Variants in TRAK2 observed in about 807,000 individuals in gnomAD.
TRAK2 encodes the protein trafficking kinesin-binding protein 2.
In TRAK2, 81 loss-of-function variants were observed where a neutral mutation model predicts 104.6. That is an observed-to-expected ratio of 0.77 (90% confidence interval 0.65 to 0.93). The LOEUF (loss-of-function observed/expected upper bound fraction) is 0.93, where lower values mean the gene tolerates loss of function less well. Ranked by LOEUF, TRAK2 falls within the 40% of genes least tolerant of loss-of-function variation. The pLI is 0.00. For synonymous variants in TRAK2, 406 were observed against 394.4 expected, an observed-to-expected ratio of 1.03 and a Z score of -0.35; for missense variants, 1,002 against 1,089.0, an observed-to-expected ratio of 0.92 and a Z score of 1.12.
chr2:201,378,502 TAAA>T lies in TRAK2; in HGVS notation c.*2038_*2040del, dbSNP rs1363754677. On this transcript the variant is annotated 3_prime_UTR_variant, in exon 16 of 16. Transcript: ENST00000332624. ...AGTAATTACTTTCTTAGGGAACAAA[TAAA>T]AAATTTTAAGAATTGACTAAAGTAA... 2.0e-5 allele frequency: 3 copies of T among 152,066 alleles called. No homozygotes were observed. The highest frequency in any genetic ancestry group is 4.4e-5 in the Non-Finnish European group (3 of 67,996). 9.4% of individuals were successfully genotyped at this position (152,066 alleles called of 1,614,324 possible). A position where few individuals can be genotyped will look rare whatever the true frequency, so the allele number is the denominator to read the frequency against.
At chr2:201,385,830 AAC>A (rs1249247808) in intron 14 of TRAK2, among the ~76,000 whole-genome samples, 2 of 152,254 alleles carry the variant, frequency 1.3e-5, no homozygotes, top group Admixed American at 6.5e-5. Flanking sequence ...ATATTTGTGT[AAC>A]ACAATTATTT....
intron 1 of TRAK2, among the ~76,000 whole-genome samples, chr2:201,444,966 C>CT (rs1951953580): frequency 6.6e-6 from 1 of 152,130 alleles, no homozygotes; most frequent in African/African-American, 2.4e-5. Context: ...TCTATTTAAT[C>CT]ATTCCTTCCT....
intron 1 of TRAK2, among the ~76,000 whole-genome samples, chr2:201,430,283 C>T (rs774524519): frequency 5.3e-5 from 8 of 152,222 alleles, no homozygotes; most frequent in African/African-American, 1.7e-4. Context: ...GTCAGGGACC[C>T]GCTTGAGGAG....
intron 1 of TRAK2, among the ~76,000 whole-genome samples, chr2:201,423,025 G>GCAA (rs1951755570): frequency 7.1e-6 from 1 of 139,892 alleles, no homozygotes; most frequent in Non-Finnish European, 1.5e-5. Flanking sequence ...AATAACAACA[G>GCAA]CAACACCACC....
chr2:201,394,347 CT>C (rs4034637), intron 9 of TRAK2, among the ~76,000 whole-genome samples: 9,199 of 144,226 alleles, frequency 0.064, 621 homozygotes, highest in East Asian at 0.26. Flanking sequence ...CTTTTTCTTT[CT>C]TTTTTTTTTT....
chr2:201,408,187 C>T (rs1951613250), intron 2 of TRAK2, among the ~76,000 whole-genome samples: 1 of 152,202 alleles, frequency 6.6e-6, no homozygotes, highest in South Asian at 2.1e-4. Flanking sequence ...ATTCTACTCT[C>T]TACTTCTAGC....
chr2:201,434,736 T>C (rs1951869251), intron 1 of TRAK2, among the ~76,000 whole-genome samples: 1 of 152,252 alleles, frequency 6.6e-6, no homozygotes, highest in Non-Finnish European at 1.5e-5. Flanking sequence ...ACAGGATTTC[T>C]ATCTTTTGCT....
Position 201,389,887 on chromosome 2 carries a change from A to G in TRAK2, c.1114-7T>C, listed in dbSNP as rs1169900210. 6.2e-7 allele frequency: 1 copy of G among 1,611,270 alleles called. No homozygotes were observed. Among genetic ancestry groups the G allele is most frequent in the African/African-American group, 1.3e-5 (1 of 74,758 alleles). On this transcript the variant is annotated splice_region_variant and splice_polypyrimidine_tract_variant and intron_variant, in intron 10 of 15. Coordinates refer to ENST00000332624, the MANE Select transcript of TRAK2 (RefSeq NM_015049.3). ...TCTCAGCTGCCAAAGATTCCTAAGAAAAAGAGTTTGAGATTTCTAAAGTGA... is the reference window on the plus strand; with the variant it reads ...TCTCAGCTGCCAAAGATTCCTAAGAGAAAGAGTTTGAGATTTCTAAAGTGA...
intron 6 of TRAK2, 24 bp from the exon 7 acceptor site, chr2:201,397,604 G>A: frequency 6.8e-7 from 1 of 1,471,724 alleles, no homozygotes; most frequent in Admixed American, 1.8e-5. Context: ...ATCAGTATGT[G>A]ACAATACCTT....
chr2:201,413,278 T>G, intron 2 of TRAK2: 2 of 1,275,968 alleles, frequency 1.6e-6, no homozygotes, highest in Non-Finnish European at 2.3e-6. Context: ...TCTGTAACAG[T>G]ACTCTTCAAT....
At chr2:201,382,106 C>T (rs997964558) in intron 15 of TRAK2, among the ~76,000 whole-genome samples, 1 of 152,182 alleles carries the variant, frequency 6.6e-6, no homozygotes, top group African/African-American at 2.4e-5. Flanking sequence ...ACCTTCCATG[C>T]CTCGGTTTAC....
chr2:201,415,101 T>TAC (rs71022366), intron 2 of TRAK2, among the ~76,000 whole-genome samples: 2 of 150,930 alleles, frequency 1.3e-5, no homozygotes, highest in Non-Finnish European at 3.0e-5. Context: ...GTCTCCTTCA[T>TAC]GTCCATTTTT....
At chr2:201,414,166 C>T (rs1489702498) in intron 2 of TRAK2, among the ~76,000 whole-genome samples, 1 of 152,102 alleles carries the variant, frequency 6.6e-6, no homozygotes, top group African/African-American at 2.4e-5. Context: ...ACCTATAACA[C>T]CCCCACCCCC....
chr2:201,393,470 T>G (rs1183894486), intron 9 of TRAK2, among the ~76,000 whole-genome samples: 1 of 152,190 alleles, frequency 6.6e-6, no homozygotes, highest in Non-Finnish European at 1.5e-5. Context: ...ACAATGTCAG[T>G]GTGCTCAATC....
At chr2:201,388,863 T>C (rs551740349) in intron 12 of TRAK2, among the ~76,000 whole-genome samples, 8 of 152,208 alleles carry the variant, frequency 5.3e-5, no homozygotes, top group Non-Finnish European at 8.8e-5. Context: ...ACATCTATCT[T>C]GCAAAGCTTT....
rs142525759 is a variant in TRAK2, at chr2:201,381,399, C to A, written c.2070-181G>T. Among the ~76,000 whole-genome samples the A allele has an allele frequency of 2.2e-3, 332 of 152,194 alleles. 1 individual carries two copies. Among genetic ancestry groups the A allele is most frequent in the Middle Eastern group, 6.8e-3 (2 of 294 alleles). Reference sequence around the variant, plus strand: ...GAATGAAAATTTTGACATGATACTTCAATGATTAATTATTTGTAATTCATA... The same window carrying A: ...GAATGAAAATTTTGACATGATACTTAAATGATTAATTATTTGTAATTCATA... On this transcript the variant is annotated intron_variant, in intron 15 of 15. Coordinates refer to ENST00000332624, the MANE Select transcript of TRAK2 (RefSeq NM_015049.3).
intron 1 of TRAK2, among the ~76,000 whole-genome samples, chr2:201,425,245 T>C (rs1381309025): frequency 3.9e-5 from 6 of 152,216 alleles, no homozygotes; most frequent in Non-Finnish European, 8.8e-5. Flanking sequence ...AAAGATTTCC[T>C]AGATTAACTT....
Position 201,403,249 on chromosome 2 carries a change from G to A in TRAK2, c.287-2155C>T, listed in dbSNP as rs1406248034. On this transcript the variant is annotated intron_variant, in intron 3 of 15. Transcript: ENST00000332624. ...TGTCACAGCATAAAAATTTAAAGCT[G>A]AACCTTAAGAAGTTATCTAGTTTAA... 2.0e-5 allele frequency among the ~76,000 whole-genome samples: 3 copies of A among 152,248 alleles called. No homozygotes were observed. The East Asian group carries it at 5.8e-4, about 29-fold the overall frequency.
chr2:201,385,372 T>A (rs962976661), intron 14 of TRAK2, among the ~76,000 whole-genome samples: 11 of 151,984 alleles, frequency 7.2e-5, no homozygotes, highest in African/African-American at 2.7e-4. Context: ...AGACAGGGTT[T>A]CACCATGTTG....
Sources: gnomAD v4.1 joint callset for allele counts (sites outside exome capture counted in the v4.1 genomes callset) on GRCh38, gnomAD v4.1.1 for gene constraint, MANE v1.5 for transcripts, NCBI Gene and HGNC (gene_info 2026-07-23, HGNC 2026-07-21) for gene names.